The following ATF7IP2 variants were observed in gnomAD, a reference collection of about 807,000 sequenced individuals.
The protein encoded by ATF7IP2 is activating transcription factor 7 interacting protein 2, also known as activating transcription factor 7-interacting protein 2.
ATF7IP2 carries 42 observed loss-of-function variants against 64.2 expected under a neutral mutation model. The ratio of observed to expected loss-of-function variants is 0.65; its 90% CI spans 0.51 to 0.85. ATF7IP2 has a LOEUF of 0.85. Among genes scored for constraint, ATF7IP2 ranks in the 40% least tolerant of loss-of-function variants. The pLI is 0.00. For synonymous variants in ATF7IP2, 308 were observed against 272.8 expected, an observed-to-expected ratio of 1.13 and a Z score of -1.27; for missense variants, 933 against 784.2, an observed-to-expected ratio of 1.19 and a Z score of -2.27.
In ATF7IP2 at chr16:10,448,288, T is replaced by C. The variant is rs536899463; in HGVS notation, c.1194+7826T>C. The C allele has an allele frequency of 2.0e-5, 3 of 152,200 alleles. No individual in the cohort carries two copies. The South Asian group carries it at 6.2e-4, about 32-fold the overall frequency. The allele number at this position is 152,200 out of a possible 1,614,324, so 9.4% of individuals were successfully genotyped here. Reference sequence around the variant, plus strand: ...TTGGTTCCATATGAAATTTTAAGTATTTTTTTCCAATTCTGTGAAGAAAGT... The same window carrying C: ...TTGGTTCCATATGAAATTTTAAGTACTTTTTTCCAATTCTGTGAAGAAAGT... On this transcript the variant is annotated intron_variant, in intron 8 of 13. Transcript: ENST00000562102.
intron 1 of ATF7IP2, among the ~76,000 whole-genome samples, chr16:10,392,169 T>G (rs1306284081): frequency 6.7e-6 from 1 of 149,478 alleles, no homozygotes; most frequent in Non-Finnish European, 1.5e-5. Context: ...TTCTCTTGCC[T>G]CAGCCTCCCA....
chr16:10,414,054 G>A (rs1196530153), intron 1 of ATF7IP2, among the ~76,000 whole-genome samples: 1 of 152,166 alleles, frequency 6.6e-6, no homozygotes, highest in African/African-American at 2.4e-5. Flanking sequence ...TGATGCCAGT[G>A]TGCCTAGGTG....
At chr16:10,449,995 TC>T (rs1183726046) in intron 8 of ATF7IP2, among the ~76,000 whole-genome samples, 6 of 152,226 alleles carry the variant, frequency 3.9e-5, no homozygotes, top group Non-Finnish European at 8.8e-5. Context: ...TTTAAATGTG[TC>T]CCAGGGATTC....
intron 4 of ATF7IP2, among the ~76,000 whole-genome samples, chr16:10,429,758 A>ATTATT (rs369598763): frequency 0.17 from 21,781 of 128,290 alleles, 2,242 homozygotes; most frequent in African/African-American, 0.31. Flanking sequence ...ATTTTATTTT[A>ATTATT]TTATTTTATT....
chr16:10,455,242 A>C (rs928599519), intron 8 of ATF7IP2, among the ~76,000 whole-genome samples: 2 of 152,158 alleles, frequency 1.3e-5, no homozygotes, highest in African/African-American at 4.8e-5. Flanking sequence ...TTAATCCTGG[A>C]TTATCTGTGT....
intron 13 of ATF7IP2, 83 bp downstream of exon 13, chr16:10,481,047 G>T: frequency 9.7e-7 from 1 of 1,026,952 alleles, no homozygotes; most frequent in South Asian, 1.4e-5. Context: ...GAAACATTTG[G>T]GTCACATTTC....
Position 10,472,172 on chromosome 16 carries a change from C to G in ATF7IP2, c.1415C>G (p.Ser472Ter). 1 of 1,551,364 alleles carries G rather than the reference C, an allele frequency of 6.4e-7. No individual in the cohort carries two copies. Among genetic ancestry groups the G allele is most frequent in the Non-Finnish European group, 8.8e-7 (1 of 1,132,662 alleles). The part of the protein sequence containing the change: ...ESPNLTTPIT[S>*]NPTDTRKITS... ...CCTAATTTGACAACTCCAATTACAT[C>G]AAATCCAACAGGTATCTTATAGCTG... The change falls in exon 10 of 14, where the codon TCA becomes TGA. Residue 472 changes from serine (S) to a stop codon, truncating the protein, a stop_gained. Coordinates refer to ENST00000562102, the MANE Select transcript of ATF7IP2 (RefSeq NM_001393719.1). LOFTEE classifies it high-confidence loss of function.
intron 2 of ATF7IP2, among the ~76,000 whole-genome samples, chr16:10,415,590 C>G (rs2047856478): frequency 6.6e-6 from 1 of 152,064 alleles, no homozygotes; most frequent in Non-Finnish European, 1.5e-5. Context: ...CCTTGGTAAT[C>G]AAATGAAAAA....
chr16:10,469,604 C>T (rs1005224855), intron 9 of ATF7IP2, among the ~76,000 whole-genome samples: 4 of 151,954 alleles, frequency 2.6e-5, no homozygotes, highest in African/African-American at 9.7e-5. Context: ...GAGAAAACCC[C>T]GTCTCTACTA....
chr16:10,454,032 A>G (rs538111741), intron 8 of ATF7IP2: 2 of 146,866 alleles, frequency 1.4e-5, no homozygotes, highest in Admixed American at 1.4e-4. Context: ...TCCATCTTTT[A>G]TCAGTTTTGC....
chr16:10,413,491 T>G (rs2047812545), intron 1 of ATF7IP2, among the ~76,000 whole-genome samples: 1 of 152,214 alleles, frequency 6.6e-6, no homozygotes, highest in Non-Finnish European at 1.5e-5. Context: ...CTCAGGTATG[T>G]CTTTATCACC....
chr16:10,387,280 G>C (rs941735628), intron 1 of ATF7IP2: 6 of 152,182 alleles, frequency 3.9e-5, no homozygotes, highest in Admixed American at 2.0e-4. Context: ...ACTGAATTCA[G>C]CTTTTGTGAA....
chr16:10,418,387 G>C (rs567097758), intron 2 of ATF7IP2, among the ~76,000 whole-genome samples: 7 of 152,252 alleles, frequency 4.6e-5, no homozygotes, highest in African/African-American at 1.7e-4. Flanking sequence ...GGGGCCTGTT[G>C]ATGGCCAGAT....
At chr16:10,400,260 TG>T (rs1263423964) in intron 1 of ATF7IP2, among the ~76,000 whole-genome samples, 3 of 152,148 alleles carry the variant, frequency 2.0e-5, no homozygotes, top group African/African-American at 7.2e-5. Context: ...AGGCTGGTCT[TG>T]AACTCCTGAC....
chr16:10,474,948 A>G, intron 12 of ATF7IP2, among the ~76,000 whole-genome samples: 1 of 152,218 alleles, frequency 6.6e-6, no homozygotes, highest in East Asian at 1.9e-4. Context: ...TTGGGAGGTC[A>G]GGGCAGGAGG....
At chr16:10,477,568 AT>A (rs1005922146) in intron 12 of ATF7IP2, among the ~76,000 whole-genome samples, 6 of 152,362 alleles carry the variant, frequency 3.9e-5, no homozygotes, top group Middle Eastern at 3.4e-3. Context: ...AACTGGAAGC[AT>A]TCCCTTTGAA....
At chr16:10,403,230 C>T (rs2047569860) in intron 1 of ATF7IP2, among the ~76,000 whole-genome samples, 1 of 152,110 alleles carries the variant, frequency 6.6e-6, no homozygotes, top group African/African-American at 2.4e-5. Flanking sequence ...GACACATATG[C>T]ACCAGGCTCA....
intron 6 of ATF7IP2, among the ~76,000 whole-genome samples, chr16:10,437,330 G>C (rs148011667): frequency 6.6e-6 from 1 of 152,204 alleles, no homozygotes; most frequent in Non-Finnish European, 1.5e-5. Flanking sequence ...GCTTCTTTCA[G>C]TTTTAGCACC....
At chr16:10,444,394 C>A (rs1002292373) in intron 8 of ATF7IP2, among the ~76,000 whole-genome samples, 26 of 151,928 alleles carry the variant, frequency 1.7e-4, no homozygotes, top group African/African-American at 6.3e-4. Flanking sequence ...ATAAGGTCTC[C>A]CAGGTTGGTT....
Sources: allele counts gnomAD v4.1 joint callset (sites outside exome capture counted in the v4.1 genomes callset), GRCh38; gene constraint gnomAD v4.1.1; transcripts MANE v1.5; gene names NCBI Gene and HGNC (gene_info 2026-07-23, HGNC 2026-07-21).